PRDM16: variants seen among roughly 807,000 people sequenced by gnomAD.
PRDM16 encodes histone-lysine N-methyltransferase PRDM16.
A neutral mutation model predicts 110.6 loss-of-function variants in PRDM16; 23 were observed. The observed-to-expected ratio is 0.21, with a 90% CI of 0.15 to 0.29. The LOEUF is 0.29. PRDM16 is among the 10% of genes least tolerant of loss of function. The probability of loss-of-function intolerance (pLI) is 1.00; values close to 1 mark genes in which losing one functional copy is unlikely to be tolerated. For synonymous variants in PRDM16, 799 were observed against 781.8 expected (o/e 1.02, Z -0.37); for missense variants, 1,615 against 1,794.3 (o/e 0.90, Z 1.81).
At position 3,139,774 on chromosome 1, in the gene PRDM16, T is replaced by A. The variant is rs541827796; in HGVS notation, c.38-46351T>A. The stretch of plus-strand genomic sequence containing the variant: ...TGGTCCTGTTAGCAGGAAAGGGAGC[T>A]GCTCCCGTCAAAGGGAAGGAGCTCC... On this transcript the variant is annotated intron_variant, in intron 1 of 16. Coordinates refer to ENST00000270722, the MANE Select transcript of PRDM16 (RefSeq NM_022114.4). Among the ~76,000 whole-genome samples, 122 of 152,358 alleles carry A rather than the reference T, an allele frequency of 8.0e-4. 4 individuals carry two copies. The South Asian group carries it at 0.025, about 31-fold the overall frequency.
At chr1:3,149,452 G>A (rs558672082) in intron 1 of PRDM16, among the ~76,000 whole-genome samples, 1 of 152,254 alleles carries the variant, frequency 6.6e-6, no homozygotes, top group South Asian at 2.1e-4. Context: ...AGGTGCTGTG[G>A]GTGCCTGCAG....
intron 1 of PRDM16, among the ~76,000 whole-genome samples, chr1:3,073,933 G>C (rs941043818): frequency 6.6e-6 from 1 of 152,188 alleles, no homozygotes; most frequent in African/African-American, 2.4e-5. Context: ...CACCGTGGGC[G>C]CCAGGCCCCC....
chr1:3,262,617 G>C (rs1289349779), intron 3 of PRDM16, among the ~76,000 whole-genome samples: 1 of 152,242 alleles, frequency 6.6e-6, no homozygotes, highest in African/African-American at 2.4e-5. Flanking sequence ...TGGGGTCCTT[G>C]CTGAGGGGTT....
chr1:3,377,202 G>A (rs1403753148), intron 3 of PRDM16, among the ~76,000 whole-genome samples: 1 of 152,220 alleles, frequency 6.6e-6, no homozygotes, highest in African/African-American at 2.4e-5. Flanking sequence ...CCAGCTCCTG[G>A]CTGTCAGAGG....
chr1:3,126,929 T>C (rs1247659603), intron 1 of PRDM16, among the ~76,000 whole-genome samples: 3 of 152,220 alleles, frequency 2.0e-5, no homozygotes, highest in Admixed American at 2.0e-4. Context: ...GAGAGCTTAC[T>C]CTGGACTCAG....
chr1:3,114,550 A>G (rs1000271371), intron 1 of PRDM16, among the ~76,000 whole-genome samples: 138 of 151,850 alleles, frequency 9.1e-4, no homozygotes, highest in African/African-American at 3.1e-3. Context: ...ATGAACACAC[A>G]CACGTGCACA....
chr1:3,089,719 A>G (rs926244), intron 1 of PRDM16, among the ~76,000 whole-genome samples: 45,431 of 152,108 alleles, frequency 0.3, 7,146 homozygotes, highest in Middle Eastern at 0.35. Flanking sequence ...CCTGGTCATT[A>G]CGTCTCCTCC....
rs777216645 is a variant in PRDM16 at position 3,370,242 on chromosome 1, T to A, written c.439-14910T>A. Among the ~76,000 whole-genome samples the A allele has an allele frequency of 2.0e-5, 3 of 152,030 alleles. No homozygotes were observed. Among genetic ancestry groups the A allele is most frequent in the Non-Finnish European group, 4.4e-5 (3 of 68,026 alleles). Reference sequence around the variant, plus strand: ...GGGGAAAATTGCAACCATAACACTTTCCAGAGGACAATGATCTGGAAAATG... The same window carrying A: ...GGGGAAAATTGCAACCATAACACTTACCAGAGGACAATGATCTGGAAAATG... On this transcript the variant is annotated intron_variant, in intron 3 of 16. Transcript: ENST00000270722. The surrounding 1 kb of genome is among the most constrained non-coding windows in gnomAD (Gnocchi z 4.8).
intron 3 of PRDM16, among the ~76,000 whole-genome samples, chr1:3,374,399 C>T (rs956042962): frequency 3.9e-5 from 6 of 152,222 alleles, no homozygotes; most frequent in African/African-American, 2.4e-5. Context: ...ACAGTTTATA[C>T]ACAACTTTTC....
rs1557509330 is a variant in PRDM16 at position 3,181,485 on chromosome 1, CACA to C, written c.38-4639_38-4637del. On this transcript the variant is annotated intron_variant, in intron 1 of 16. Coordinates refer to ENST00000270722, the MANE Select transcript of PRDM16 (RefSeq NM_022114.4). The stretch of plus-strand genomic sequence containing the variant: ...ACGGTCTTACACACGCAGTCTTACA[CACA>C]GCCTTACGCATGGTCTTACACACGC... 3.0e-5 allele frequency among the ~76,000 whole-genome samples: 2 copies of C among 67,414 alleles called. 1 individual carries two copies. The highest frequency in any genetic ancestry group is 7.1e-5 in the Non-Finnish European group (2 of 28,078). 44.2% of individuals were successfully genotyped at this position (67,414 alleles called of 152,430 possible).
chr1:3,363,969 G>T (rs894208816), intron 3 of PRDM16, among the ~76,000 whole-genome samples: 1 of 151,500 alleles, frequency 6.6e-6, no homozygotes, highest in African/African-American at 2.4e-5. Flanking sequence ...AGCGCCCCCC[G>T]CCCCCCGAGC....
At chr1:3,429,318 G>A (rs986220886) in intron 14 of PRDM16, among the ~76,000 whole-genome samples, 10 of 152,354 alleles carry the variant, frequency 6.6e-5, no homozygotes, top group Non-Finnish European at 1.0e-4. Flanking sequence ...TTCTGTGTCC[G>A]TGCCGGATGC....
At chr1:3,145,262 G>A (rs537302031) in intron 1 of PRDM16, among the ~76,000 whole-genome samples, 1 of 152,242 alleles carries the variant, frequency 6.6e-6, no homozygotes, top group African/African-American at 2.4e-5. Flanking sequence ...CATGCGGCAC[G>A]GTGTCAGTTC....
Position 3,087,708 on chromosome 1 carries a change from C to T in PRDM16, c.37+18412C>T, listed in dbSNP as rs115900574. On this transcript the variant is annotated intron_variant, in intron 1 of 16. Coordinates refer to ENST00000270722, the MANE Select transcript of PRDM16 (RefSeq NM_022114.4). ...ATCCAGGGATGGCCGGTGGCCCTCG[C>T]GATGGCTGGAATCACTCTTTTCAAA... 7.8e-3 allele frequency among the ~76,000 whole-genome samples: 1,192 copies of T among 152,256 alleles called. 22 individuals are homozygous for T. Among genetic ancestry groups the T allele is most frequent in the African/African-American group, 0.027 (1,120 of 41,548 alleles).
intron 16 of PRDM16, among the ~76,000 whole-genome samples, chr1:3,432,817 C>T (rs2483245): frequency 0.038 from 5,755 of 152,266 alleles, 374 homozygotes; most frequent in African/African-American, 0.13. Context: ...TGCTGGGCTT[C>T]CCCACCTTCC....
In PRDM16 at chr1:3,404,803, G is replaced by A; in HGVS notation, c.949G>A (p.Ala317Thr). Reference protein sequence around the residue: ...REYKCDQCPKAFNWKSNLIRH... With the variant: ...REYKCDQCPKTFNWKSNLIRH... The stretch of plus-strand genomic sequence containing the variant: ...GTACAAATGCGACCAGTGTCCCAAG[G>A]CCTTCAACTGGAAGTCCAACCTCAT... Residue 317 changes from alanine (A) to threonine (T), a missense_variant, in exon 7 of 17, where the codon GCC becomes ACC. Physicochemically the swap from Ala to Thr is moderately conservative, Grantham distance 58. Coordinates refer to ENST00000270722, the MANE Select transcript of PRDM16 (RefSeq NM_022114.4). The A allele has an allele frequency of 6.2e-7, 1 of 1,613,716 alleles. No individual in the cohort carries two copies. The highest frequency in any genetic ancestry group is 8.5e-7 in the Non-Finnish European group (1 of 1,179,990).
At position 3,284,038 on chromosome 1, in the gene PRDM16, C is replaced by G. The variant is rs545063159; in HGVS notation, c.438+39901C>G. Among the ~76,000 whole-genome samples, 11 of 152,220 alleles carry G rather than the reference C, an allele frequency of 7.2e-5. No homozygotes were observed. The East Asian group carries it at 1.7e-3, about 24-fold the overall frequency. Reference sequence around the variant, plus strand: ...CTGGGATGCCGCCATCCTAGGGTAGCGGGCCTGGGGGGGCCTGGAGCTGGG... The same window carrying G: ...CTGGGATGCCGCCATCCTAGGGTAGGGGGCCTGGGGGGGCCTGGAGCTGGG... On this transcript the variant is annotated intron_variant, in intron 3 of 16. Coordinates refer to ENST00000270722, the MANE Select transcript of PRDM16 (RefSeq NM_022114.4).
At chr1:3,416,011 T>G (rs1202628426) in intron 10 of PRDM16, among the ~76,000 whole-genome samples, 2 of 152,172 alleles carry the variant, frequency 1.3e-5, no homozygotes, top group East Asian at 1.9e-4. Flanking sequence ...CGCTCATCAC[T>G]CGTTCTCATC....
At chr1:3,378,457 C>T (rs903588339) in intron 3 of PRDM16, among the ~76,000 whole-genome samples, 4 of 152,122 alleles carry the variant, frequency 2.6e-5, no homozygotes, top group Non-Finnish European at 5.9e-5. Context: ...TCCCTCTGGT[C>T]CTTGAGTCGG....
Sources: gnomAD v4.1 joint callset for allele counts (sites outside exome capture counted in the v4.1 genomes callset) on GRCh38, gnomAD v4.1.1 for gene constraint, Gnocchi (gnomAD v3.1) non-coding constraint, MANE v1.5 for transcripts, NCBI Gene and HGNC (gene_info 2026-07-23, HGNC 2026-07-21) for gene names.